The following WWOX variants were observed in gnomAD, a reference collection of about 807,000 sequenced individuals.
WWOX encodes WW domain containing oxidoreductase, also known as WW domain-containing oxidoreductase.
WWOX carries 69 observed loss-of-function variants against 46.2 expected under a neutral mutation model. The ratio of observed to expected loss-of-function variants is 1.49; its 90% CI spans 1.23 to 1.82. WWOX has a LOEUF of 1.82. WWOX is among the 40% of genes most tolerant of loss of function. WWOX has a pLI of 0.00. For synonymous variants in WWOX, 359 were observed against 202.6 expected, an observed-to-expected ratio of 1.77 and a Z score of -6.56; for missense variants, 919 against 542.6, an observed-to-expected ratio of 1.69 and a Z score of -6.89.
At chr16:78,783,926 A>ATGATGGTGATGCTGGTGCTGTTGG (rs1306114525) in intron 8 of WWOX, among the ~76,000 whole-genome samples, 2 of 151,784 alleles carry the variant, frequency 1.3e-5, no homozygotes, top group Non-Finnish European at 2.9e-5. Flanking sequence ...GATGTCGATA[A>ATGATGGTGATGCTGGTGCTGTTGG]TGATGGTGAT....
chr16:78,996,768 C>T (rs962037053), intron 8 of WWOX, among the ~76,000 whole-genome samples: 4 of 152,222 alleles, frequency 2.6e-5, no homozygotes, highest in East Asian at 3.9e-4. Context: ...GTTCCCTTCC[C>T]GCTTCCCACC....
chr16:78,242,440 G>C (rs1215944097), intron 5 of WWOX, among the ~76,000 whole-genome samples: 3 of 152,216 alleles, frequency 2.0e-5, no homozygotes, highest in Non-Finnish European at 4.4e-5. Context: ...AACACTGATT[G>C]AGCACTGCCT....
chr16:78,963,242 G>A (rs1345149068), intron 8 of WWOX, among the ~76,000 whole-genome samples: 1 of 152,172 alleles, frequency 6.6e-6, no homozygotes, highest in African/African-American at 2.4e-5. Context: ...GCAGAGGTGA[G>A]AGGATTCCTT....
intron 8 of WWOX, among the ~76,000 whole-genome samples, chr16:78,715,421 A>T (rs2048538017): frequency 6.6e-6 from 1 of 152,126 alleles, no homozygotes; most frequent in Non-Finnish European, 1.5e-5. Context: ...CACTGTGGAA[A>T]GAGGGGTAGG....
chr16:79,050,643 C>T (rs1567515217), intron 8 of WWOX, among the ~76,000 whole-genome samples: 1 of 152,130 alleles, frequency 6.6e-6, no homozygotes, highest in Non-Finnish European at 1.5e-5. Context: ...GCATAAGAAG[C>T]TGCTGAGGAA....
At chr16:78,455,938 C>T (rs937535861) in intron 8 of WWOX, among the ~76,000 whole-genome samples, 4 of 152,128 alleles carry the variant, frequency 2.6e-5, no homozygotes, top group Non-Finnish European at 5.9e-5. Context: ...ATCTCCTGTG[C>T]ACTTAAGGGA....
intron 4 of WWOX, among the ~76,000 whole-genome samples, chr16:78,117,164 C>T (rs535387925): frequency 6.6e-6 from 1 of 152,314 alleles, no homozygotes; most frequent in East Asian, 1.9e-4. Context: ...CCACTTCCCC[C>T]TAAGACTCTT....
chr16:78,585,375 C>G (rs1597307386), intron 8 of WWOX, among the ~76,000 whole-genome samples: 2 of 152,182 alleles, frequency 1.3e-5, no homozygotes, highest in African/African-American at 4.8e-5. Context: ...CGTTAGCATT[C>G]TTTATCTTTG....
intron 8 of WWOX, among the ~76,000 whole-genome samples, chr16:78,674,573 C>T (rs2047546564): frequency 6.6e-6 from 1 of 152,168 alleles, no homozygotes; most frequent in Non-Finnish European, 1.5e-5. Flanking sequence ...GCTTGAGCCA[C>T]AGCACCCAGC....
intron 5 of WWOX, among the ~76,000 whole-genome samples, chr16:78,334,924 T>TAAAA (rs538880972): frequency 3.1e-4 from 43 of 140,532 alleles, no homozygotes; most frequent in South Asian, 1.8e-3. Context: ...CATCTTTTTT[T>TAAAA]AAAAAAAAAA....
intron 8 of WWOX, among the ~76,000 whole-genome samples, chr16:78,496,713 C>A (rs999963220): frequency 6.6e-6 from 1 of 152,186 alleles, no homozygotes; most frequent in African/African-American, 2.4e-5. Context: ...TGACAACTCA[C>A]TATGTAAAAC....
intron 5 of WWOX, among the ~76,000 whole-genome samples, chr16:78,366,752 A>G (rs896085219): frequency 2.0e-4 from 30 of 152,286 alleles, no homozygotes; most frequent in Admixed American, 5.2e-4. Flanking sequence ...AGGTTTTCCA[A>G]TCTCTGTTCT....
chr16:79,202,746 T>A (rs951992274), intron 8 of WWOX: 2 of 152,206 alleles, frequency 1.3e-5, no homozygotes, highest in Non-Finnish European at 2.9e-5. Context: ...TTGCCTAGAA[T>A]AGCAGCATGC....
intron 8 of WWOX, among the ~76,000 whole-genome samples, chr16:79,033,237 T>G (rs912202272): frequency 1.4e-5 from 2 of 147,490 alleles, no homozygotes; most frequent in African/African-American, 4.9e-5. Context: ...TAAAACAAAG[T>G]CTATAAAAAC....
chr16:78,206,673 G>A (rs1256845144), intron 5 of WWOX, among the ~76,000 whole-genome samples: 1 of 152,126 alleles, frequency 6.6e-6, no homozygotes, highest in Non-Finnish European at 1.5e-5. Context: ...TAATAGTTAT[G>A]AAAATCATTA....
chr16:78,896,153 C>G (rs758136279), intron 8 of WWOX: 2 of 151,302 alleles, frequency 1.3e-5, no homozygotes, highest in East Asian at 1.9e-4. Context: ...AATAGAAATA[C>G]TTCAGAAGAA....
chr16:78,196,407 C>T (rs2036054174), intron 5 of WWOX, among the ~76,000 whole-genome samples: 2 of 152,192 alleles, frequency 1.3e-5, no homozygotes, highest in Non-Finnish European at 2.9e-5. Context: ...CTGCTGTACT[C>T]TTTAACCAAG....
At chr16:79,089,434 C>T (rs146104137) in intron 8 of WWOX, among the ~76,000 whole-genome samples, 363 of 151,496 alleles carry the variant, frequency 2.4e-3, no homozygotes, top group Non-Finnish European at 4.4e-3. Flanking sequence ...TGGGTTCAAG[C>T]GATTCTTCTG....
intron 8 of WWOX, among the ~76,000 whole-genome samples, chr16:79,097,390 C>T (rs1486975825): frequency 3.3e-5 from 5 of 149,594 alleles, no homozygotes; most frequent in African/African-American, 1.2e-4. Context: ...CAGCCCATGG[C>T]AGAAGAGTCT....
Sources: allele counts gnomAD v4.1 joint callset (sites outside exome capture counted in the v4.1 genomes callset), GRCh38; gene constraint gnomAD v4.1.1; transcripts MANE v1.5; gene names NCBI Gene and HGNC (gene_info 2026-07-23, HGNC 2026-07-21).